The following SYT9 variants were observed in gnomAD, a reference collection of about 807,000 sequenced individuals.
SYT9 encodes synaptotagmin-9.
A neutral mutation model predicts 48.4 loss-of-function variants in SYT9; 22 were observed. That is an observed-to-expected ratio of 0.45 (90% CI 0.32 to 0.65). The LOEUF is 0.65. Ranked by LOEUF, SYT9 falls within the 30% of genes least tolerant of loss-of-function variation. SYT9 has a pLI of 0.03. For missense variants in SYT9, 577 were observed against 622.0 expected (o/e 0.93, Z 0.77); for synonymous variants, 265 against 245.0 (o/e 1.08, Z -0.76).
intron 6 of SYT9, chr11:7,428,064 G>A (rs889564702): frequency 1.3e-5 from 2 of 152,194 alleles, no homozygotes; most frequent in African/African-American, 4.8e-5. Flanking sequence ...AAAAGAGAGA[G>A]AGACGGTAGG....
chr11:7,386,896 T>C (rs567978628), intron 3 of SYT9, among the ~76,000 whole-genome samples: 21 of 152,032 alleles, frequency 1.4e-4, no homozygotes, highest in African/African-American at 4.6e-4. Context: ...TTGGAACCAA[T>C]CCACATGTCC....
At chr11:7,420,675 A>G in intron 6 of SYT9, 40 bp downstream of exon 6, 1 of 1,611,582 alleles carries the variant, frequency 6.2e-7, no homozygotes, top group South Asian at 1.1e-5. Flanking sequence ...GCATAAGAGT[A>G]AATGCTTTAC....
intron 3 of SYT9, among the ~76,000 whole-genome samples, chr11:7,387,876 A>T (rs1850691523): frequency 6.6e-6 from 1 of 152,134 alleles, no homozygotes; most frequent in African/African-American, 2.4e-5. Context: ...TATGTTTGTA[A>T]TTCATTGTAT....
At chr11:7,263,188 G>T (rs1359372375) in intron 1 of SYT9, among the ~76,000 whole-genome samples, 5 of 152,158 alleles carry the variant, frequency 3.3e-5, no homozygotes, top group Non-Finnish European at 7.4e-5. Flanking sequence ...CCATAAGCTG[G>T]GTAGCTTATG....
chr11:7,252,030 C>T lies in SYT9; in HGVS notation c.-157C>T, dbSNP rs1023065377. ...GCATGCAACCGGTGGGAGGCCGGGC[C>T]GGCTGGGTCTGGGGCTCGGGCTCAG... is the stretch of plus-strand genomic sequence containing the variant. On this transcript the variant is annotated 5_prime_UTR_variant, in exon 1 of 7. Transcript: ENST00000318881. This position sits in a 1 kb window ranked among gnomAD's most constrained non-coding sequence, Gnocchi z 6.3. The T allele has an allele frequency of 4.8e-6, 4 of 840,148 alleles. No individual in the cohort carries two copies. Among genetic ancestry groups the T allele is most frequent in the African/African-American group, 1.8e-5 (1 of 55,978 alleles). The allele number at this position is 840,148 out of a possible 1,614,324, so 52.0% of individuals were successfully genotyped here.
chr11:7,444,935 G>C (rs1482606258), intron 6 of SYT9, among the ~76,000 whole-genome samples: 2 of 152,206 alleles, frequency 1.3e-5, no homozygotes, highest in African/African-American at 2.4e-5. Context: ...GCCCTGGGCT[G>C]TCATCCACTT....
At chr11:7,386,763 A>G (rs1299743467) in intron 3 of SYT9, among the ~76,000 whole-genome samples, 3 of 152,232 alleles carry the variant, frequency 2.0e-5, no homozygotes, top group African/African-American at 7.2e-5. Flanking sequence ...ATCTTGAACT[A>G]GAAATACCAT....
At chr11:7,277,451 T>C (rs897101731) in intron 1 of SYT9, among the ~76,000 whole-genome samples, 1 of 152,194 alleles carries the variant, frequency 6.6e-6, no homozygotes, top group Non-Finnish European at 1.5e-5. Flanking sequence ...AGTTCAAAAG[T>C]CGACTTAACA....
chr11:7,464,626 C>G (rs1848296515), intron 6 of SYT9, among the ~76,000 whole-genome samples: 1 of 152,192 alleles, frequency 6.6e-6, no homozygotes, highest in Admixed American at 6.5e-5. Context: ...ACCATCACAA[C>G]TAATTCCAGA....
intron 3 of SYT9, among the ~76,000 whole-genome samples, chr11:7,321,642 A>G (rs1849339515): frequency 1.3e-5 from 2 of 152,280 alleles, no homozygotes; most frequent in Non-Finnish European, 1.5e-5. Flanking sequence ...ATTGAACAGT[A>G]CTGCTCCATG....
chr11:7,418,356 AT>A (rs1208508615), intron 5 of SYT9, among the ~76,000 whole-genome samples: 3 of 151,818 alleles, frequency 2.0e-5, no homozygotes, highest in Non-Finnish European at 4.4e-5. Context: ...CCCCGTTCTC[AT>A]TTTTTTTCCT....
intron 1 of SYT9, among the ~76,000 whole-genome samples, chr11:7,242,543 C>T (rs529841093): frequency 2.0e-5 from 3 of 152,258 alleles, no homozygotes; most frequent in African/African-American, 7.2e-5. Flanking sequence ...TGGCACATAG[C>T]ATGAGTTCAA....
At chr11:7,264,476 G>A (rs148602178) in intron 1 of SYT9, among the ~76,000 whole-genome samples, 41 of 152,160 alleles carry the variant, frequency 2.7e-4, no homozygotes, top group African/African-American at 9.6e-4. Flanking sequence ...ATGTAGAATA[G>A]ATTGGAATGA....
chr11:7,247,057 C>T (rs1370707120), upstream of SYT9, among the ~76,000 whole-genome samples: 2 of 152,196 alleles, frequency 1.3e-5, no homozygotes, highest in African/African-American at 2.4e-5. Context: ...ACTGTGTCCT[C>T]ACATGGCAGA....
intron 6 of SYT9, among the ~76,000 whole-genome samples, chr11:7,423,722 A>G (rs1012672418): frequency 1.3e-5 from 2 of 152,180 alleles, no homozygotes; most frequent in African/African-American, 4.8e-5. Flanking sequence ...GGAGAATAAG[A>G]GAAAGGCCGG....
At chr11:7,251,462 G>C (rs552805657), upstream of SYT9, among the ~76,000 whole-genome samples, 1 of 152,226 alleles carries the variant, frequency 6.6e-6, no homozygotes, top group South Asian at 2.1e-4. Context: ...CTTTGTTGGC[G>C]AATCTTGGAC....
At chr11:7,351,999 A>G (rs1254700907) in intron 3 of SYT9, among the ~76,000 whole-genome samples, 1 of 152,126 alleles carries the variant, frequency 6.6e-6, no homozygotes, top group Non-Finnish European at 1.5e-5. Context: ...GGACCAACAG[A>G]CCTTCCTTTT....
At chr11:7,319,512 T>A (rs1849303245) in intron 3 of SYT9, among the ~76,000 whole-genome samples, 1 of 152,138 alleles carries the variant, frequency 6.6e-6, no homozygotes, top group Non-Finnish European at 1.5e-5. Flanking sequence ...CCCATAACAC[T>A]AGCTCAGTGG....
intron 3 of SYT9, among the ~76,000 whole-genome samples, chr11:7,414,067 T>C (rs1358573938): frequency 6.6e-6 from 1 of 152,316 alleles, no homozygotes; most frequent in South Asian, 2.1e-4. Flanking sequence ...CAAACCACCA[T>C]ACCTAGCATG....
Sources: gnomAD v4.1 joint callset for allele counts (sites outside exome capture counted in the v4.1 genomes callset) on GRCh38, gnomAD v4.1.1 for gene constraint, Gnocchi (gnomAD v3.1) non-coding constraint, MANE v1.5 for transcripts, NCBI Gene and HGNC (gene_info 2026-07-23, HGNC 2026-07-21) for gene names.